Variants in ANGPTL5 observed in about 807,000 individuals in gnomAD.
ANGPTL5 encodes angiopoietin-related protein 5.
Under a neutral mutation model 39.4 loss-of-function variants are expected in ANGPTL5, and 34 were observed. That is an observed-to-expected ratio of 0.86 (90% CI 0.66 to 1.15). The LOEUF (loss-of-function observed/expected upper bound fraction) is 1.15. Ranked by LOEUF, ANGPTL5 falls within the 50% of genes most tolerant of loss-of-function variation. The pLI is 0.00. For missense variants in ANGPTL5, 467 were observed against 457.5 expected, an observed-to-expected ratio of 1.02 and a Z score of -0.19; for synonymous variants, 146 against 152.1, an observed-to-expected ratio of 0.96 and a Z score of 0.29.
intron 1 of ANGPTL5, chr11:101,915,049 C>T (rs1940167954): frequency 2.0e-6 from 1 of 497,262 alleles, no homozygotes; most frequent in Non-Finnish European, 3.5e-6. Flanking sequence ...TGCAGGGTTG[C>T]TGCCGCCCCA....
Position 101,891,519 on chromosome 11 carries a change from C to T in ANGPTL5, c.927G>A (p.Gly309=). 1.9e-6 allele frequency: 3 copies of T among 1,614,020 alleles called. No individual in the cohort carries two copies. Among genetic ancestry groups the T allele is most frequent in the Non-Finnish European group, 1.7e-6 (2 of 1,179,970 alleles). The change falls in exon 9 of 9, where the codon GGG becomes GGA. Residue 309 remains glycine (G), a synonymous_variant. Coordinates refer to ENST00000334289, the MANE Select transcript of ANGPTL5 (RefSeq NM_178127.5). ...PFSTSDVDND[G]CRPACLVNGQ... ...CATTGACCAGGCATGCAGGGCGACA[C>T]CCATCATTATCAACATCTGATGTGC...
intron 1 of ANGPTL5, chr11:101,914,885 AG>A (rs767061901): frequency 2.7e-4 from 50 of 184,290 alleles, no homozygotes; most frequent in South Asian, 8.6e-4. Context: ...CCGGGTCCCT[AG>A]GGATGCTTGG....
intron 1 of ANGPTL5, among the ~76,000 whole-genome samples, chr11:101,909,460 C>A (rs752044262): frequency 6.6e-6 from 1 of 152,072 alleles, no homozygotes; most frequent in African/African-American, 2.4e-5. Context: ...TGTAACATTG[C>A]GGACAATATT....
At position 101,897,532 on chromosome 11, in the gene ANGPTL5, A is replaced by G. The variant is rs1359053588; in HGVS notation, c.662-2468T>C. ...TAATCTATCTTGAATTAATTTTTGT[A>G]TAAGGTAAAAGAAAGGGATCCAGTT... On this transcript the variant is annotated intron_variant, in intron 7 of 8. Transcript: ENST00000334289. Among the ~76,000 whole-genome samples the G allele has an allele frequency of 2.6e-5, 4 of 152,208 alleles. No individual in the cohort carries two copies. The East Asian group carries it at 7.7e-4, about 29-fold the overall frequency.
chr11:101,902,494 T>C, intron 6 of ANGPTL5, 127 bp downstream of exon 6: 4 of 806,618 alleles, frequency 5.0e-6, no homozygotes, highest in Non-Finnish European at 7.9e-6. Context: ...GAACTTTACC[T>C]AATTTATTTA....
chr11:101,908,504 C>T (rs1029664214), intron 1 of ANGPTL5, among the ~76,000 whole-genome samples: 1 of 152,108 alleles, frequency 6.6e-6, no homozygotes, highest in Non-Finnish European at 1.5e-5. Context: ...CAACGCTGGG[C>T]GCAGTGGCTC....
Position 101,897,041 on chromosome 11 carries a change from C to T in ANGPTL5, c.662-1977G>A, listed in dbSNP as rs189065216. 5.3e-4 allele frequency among the ~76,000 whole-genome samples: 80 copies of T among 152,254 alleles called. 1 individual carries two copies. Among genetic ancestry groups the T allele is most frequent in the Middle Eastern group, 3.4e-3 (1 of 294 alleles). The stretch of plus-strand genomic sequence containing the variant: ...TGTTGTTTCCTGACTTTTTACTTAT[C>T]ACCATTCTAACTGGTGTGAGATGGT... On this transcript the variant is annotated intron_variant, in intron 7 of 8. Coordinates refer to ENST00000334289, the MANE Select transcript of ANGPTL5 (RefSeq NM_178127.5).
rs185567846 is a variant in ANGPTL5, at chr11:101,903,822, T to C, written c.439+992A>G. 2.2e-3 allele frequency among the ~76,000 whole-genome samples: 340 copies of C among 152,306 alleles called. 7 individuals carry two copies. The highest frequency in any genetic ancestry group is 2.9e-3 in the East Asian group (15 of 5,184). ...TCGATTTTTCTGGGCTGGATATTTC[T>C]TATCTGATGATGATGATCATAGCAA... On this transcript the variant is annotated intron_variant, in intron 5 of 8. Transcript: ENST00000334289.
intron 1 of ANGPTL5, among the ~76,000 whole-genome samples, chr11:101,911,852 C>T (rs1459280185): frequency 6.6e-6 from 1 of 152,222 alleles, no homozygotes; most frequent in Non-Finnish European, 1.5e-5. Flanking sequence ...TCTTTGAGCA[C>T]AACAGTATGA....
Position 101,902,690 on chromosome 11 carries a change from A to C in ANGPTL5, c.471T>G (p.Ile157Met), listed in dbSNP as rs1315644700. ...GLDCTDIKDTIGSVTKTPSGL... is the reference protein window; with the variant it reads ...GLDCTDIKDTMGSVTKTPSGL... ...CACTCGGTGTTTTGGTGACAGAGCC[A>C]ATGGTATCCTTAATATCAGTGCAAT... The change falls in exon 6 of 9, where the codon ATT (isoleucine) becomes ATG (methionine). Residue 157 changes from isoleucine to methionine, a missense_variant. By Grantham distance (10) the Ile-to-Met change is conservative. Coordinates refer to ENST00000334289, the MANE Select transcript of ANGPTL5 (RefSeq NM_178127.5). 1 of 1,611,410 alleles carries C rather than the reference A, an allele frequency of 6.2e-7. No homozygotes were observed. The highest frequency in any genetic ancestry group is 1.3e-5 in the African/African-American group (1 of 74,866).
chr11:101,898,904 T>C (rs1057344452), intron 7 of ANGPTL5, among the ~76,000 whole-genome samples: 9 of 152,242 alleles, frequency 5.9e-5, no homozygotes, highest in Non-Finnish European at 1.3e-4. Context: ...GAGATAATCA[T>C]GTAATTTTCG....
rs187251283 is a variant in ANGPTL5, at chr11:101,908,965, T to C, written c.-92-964A>G. Among the ~76,000 whole-genome samples the C allele has an allele frequency of 3.3e-5, 5 of 152,022 alleles. No homozygotes were observed. In the East Asian group the frequency reaches 9.7e-4, roughly 29 times the overall value. The stretch of plus-strand genomic sequence containing the variant: ...TGTCTTCAAATTTTCCCTTTCAATG[T>C]CTCCTTCCCTTCATTCTACACACAT... On this transcript the variant is annotated intron_variant, in intron 1 of 8. Coordinates refer to ENST00000334289, the MANE Select transcript of ANGPTL5 (RefSeq NM_178127.5).
At chr11:101,900,805 C>T (rs1351876123) in intron 6 of ANGPTL5, among the ~76,000 whole-genome samples, 1 of 152,090 alleles carries the variant, frequency 6.6e-6, no homozygotes, top group Non-Finnish European at 1.5e-5. Context: ...AACTTAATCA[C>T]AGTCCTTATA....
At chr11:101,909,363 C>T (rs911222665) in intron 1 of ANGPTL5, among the ~76,000 whole-genome samples, 1 of 152,126 alleles carries the variant, frequency 6.6e-6, no homozygotes, top group African/African-American at 2.4e-5. Flanking sequence ...ACTCCCTTAC[C>T]CTGGAATCTT....
chr11:101,895,112 T>C (rs1407156016), intron 7 of ANGPTL5, 48 bp from the exon 8 acceptor site: 1 of 1,355,770 alleles, frequency 7.4e-7, no homozygotes, highest in Non-Finnish European at 1.0e-6. Flanking sequence ...CAAATTAGAA[T>C]AATGGTTTAT....
intron 7 of ANGPTL5, among the ~76,000 whole-genome samples, chr11:101,898,675 T>C (rs1022609728): frequency 6.6e-6 from 1 of 152,212 alleles, no homozygotes; most frequent in South Asian, 2.1e-4. Flanking sequence ...GAACTTCCAA[T>C]ACTATGTTGA....
Position 101,907,973 on chromosome 11 carries a change from C to G in ANGPTL5, c.-64G>C. 13 of 1,202,970 alleles carry G rather than the reference C, an allele frequency of 1.1e-5. No individual in the cohort carries two copies. Among genetic ancestry groups the G allele is most frequent in the Admixed American group, 3.6e-5 (2 of 55,366 alleles). 74.5% of individuals were successfully genotyped at this position (1,202,970 alleles called of 1,614,324 possible). On this transcript the variant is annotated 5_prime_UTR_variant, in exon 2 of 9. Coordinates refer to ENST00000334289, the MANE Select transcript of ANGPTL5 (RefSeq NM_178127.5). ...AGTCAGCTCTTTGTGGAAAGAACTACAGAGCATAGAGTCTTCAGTTAAAAA... is the reference window on the plus strand; with the variant it reads ...AGTCAGCTCTTTGTGGAAAGAACTAGAGAGCATAGAGTCTTCAGTTAAAAA...
At chr11:101,910,527 C>T (rs558851598) in intron 1 of ANGPTL5, among the ~76,000 whole-genome samples, 6 of 151,490 alleles carry the variant, frequency 4.0e-5, no homozygotes, top group South Asian at 4.2e-4. Context: ...AAAACATCAA[C>T]GATTTATGAG....
chr11:101,892,755 T>TGCA (rs1939725467), intron 8 of ANGPTL5, among the ~76,000 whole-genome samples: 1 of 152,222 alleles, frequency 6.6e-6, no homozygotes, highest in African/African-American at 2.4e-5. Flanking sequence ...AGAAGCCATA[T>TGCA]GCAATCTGTG....
Sources: allele counts gnomAD v4.1 joint callset (sites outside exome capture counted in the v4.1 genomes callset), GRCh38; gene constraint gnomAD v4.1.1; transcripts MANE v1.5; gene names NCBI Gene and HGNC (gene_info 2026-07-23, HGNC 2026-07-21).